The following ATAD2B variants were observed in gnomAD, a reference collection of about 807,000 sequenced individuals.
ATAD2B encodes ATPase family AAA domain-containing protein 2B.
A neutral mutation model predicts 167.6 loss-of-function variants in ATAD2B; 40 were observed. That is an observed-to-expected ratio of 0.24 (90% confidence interval 0.19 to 0.31). The LOEUF (loss-of-function observed/expected upper bound fraction) is 0.31, where lower values mean the gene tolerates loss of function less well. ATAD2B is among the 10% of genes least tolerant of loss of function. The pLI, the probability that ATAD2B is intolerant of heterozygous loss-of-function variation, is 1.00. For missense variants in ATAD2B, 1,242 were observed against 1,757.2 expected, an observed-to-expected ratio of 0.71 and a Z score of 5.24; for synonymous variants, 579 against 596.5, an observed-to-expected ratio of 0.97 and a Z score of 0.43.
At chr2:23,825,868 C>T (rs1049741556) in intron 15 of ATAD2B, among the ~76,000 whole-genome samples, 3 of 152,146 alleles carry the variant, frequency 2.0e-5, no homozygotes, top group African/African-American at 7.2e-5. Flanking sequence ...ATGTTTGCCA[C>T]AACATGTTAA....
At chr2:23,778,687 T>G (rs934293608) in intron 22 of ATAD2B, among the ~76,000 whole-genome samples, 1 of 152,232 alleles carries the variant, frequency 6.6e-6, no homozygotes, top group African/African-American at 2.4e-5. Context: ...GGCAATTTCA[T>G]AAGGTTCAAC....
chr2:23,723,315 C>T, the ATAD2B span, among the ~76,000 whole-genome samples: 1 of 127,030 alleles, frequency 7.9e-6, no homozygotes, highest in South Asian at 2.6e-4. Flanking sequence ...ACAGCAACAA[C>T]AAACAAGAGA....
At chr2:23,810,157 C>T (rs1685326850) in intron 18 of ATAD2B, among the ~76,000 whole-genome samples, 159 bp downstream of exon 18, 1 of 152,078 alleles carries the variant, frequency 6.6e-6, no homozygotes, top group Non-Finnish European at 1.5e-5. Flanking sequence ...TCAAAAGGAT[C>T]CTTTACACTA....
chr2:23,848,550 T>C (rs1356733795), intron 13 of ATAD2B, among the ~76,000 whole-genome samples: 7 of 152,128 alleles, frequency 4.6e-5, no homozygotes, highest in Non-Finnish European at 1.0e-4. Flanking sequence ...TATTTCAAGG[T>C]TCCCATATTA....
At chr2:23,694,823 T>A in the ATAD2B span, among the ~76,000 whole-genome samples, 1 of 152,160 alleles carries the variant, frequency 6.6e-6, no homozygotes, top group African/African-American at 2.4e-5. Flanking sequence ...CAAAACCTCT[T>A]ACTCCTGCAC....
chr2:23,863,571 A>C lies in ATAD2B; in HGVS notation c.1305-16T>G. ...CAAACAGCCCCTAGAAGAATAAAAA[A>C]ATCAAGAAGTGTAAATTATATTATC... On this transcript the variant is annotated splice_polypyrimidine_tract_variant and intron_variant, in intron 11 of 27. Coordinates refer to ENST00000238789, the MANE Select transcript of ATAD2B (RefSeq NM_017552.4). 1 of 1,535,550 alleles carries C rather than the reference A, an allele frequency of 6.5e-7. No homozygotes were observed. Among genetic ancestry groups the C allele is most frequent in the Non-Finnish European group, 8.7e-7 (1 of 1,144,382 alleles).
At chr2:23,891,736 C>A (rs962854584) in intron 2 of ATAD2B, among the ~76,000 whole-genome samples, 1 of 151,942 alleles carries the variant, frequency 6.6e-6, no homozygotes, top group Non-Finnish European at 1.5e-5. Flanking sequence ...TGATACCCCC[C>A]CGCCCCGACC....
intron 17 of ATAD2B, among the ~76,000 whole-genome samples, chr2:23,813,984 C>T (rs550309303): frequency 1.3e-5 from 2 of 152,122 alleles, no homozygotes; most frequent in South Asian, 2.1e-4. Context: ...AGGGCACGGT[C>T]GAACATGCCT....
the ATAD2B span, among the ~76,000 whole-genome samples, chr2:23,724,903 C>G: frequency 6.6e-6 from 1 of 151,860 alleles, no homozygotes; most frequent in African/African-American, 2.4e-5. Context: ...ATTAGCCAGG[C>G]GTGGTGGCAG....
chr2:23,832,846 T>C (rs760643723), intron 14 of ATAD2B, among the ~76,000 whole-genome samples: 6 of 152,214 alleles, frequency 3.9e-5, no homozygotes, highest in Non-Finnish European at 8.8e-5. Context: ...ATAAAAGCTG[T>C]GCTTGGACTG....
chr2:23,912,897 G>A (rs537582485), intron 1 of ATAD2B, among the ~76,000 whole-genome samples: 50 of 152,160 alleles, frequency 3.3e-4, no homozygotes, highest in Non-Finnish European at 5.7e-4. Flanking sequence ...TCGGGAGGCC[G>A]AGACAGGAGA....
intron 7 of ATAD2B, 111 bp downstream of exon 7, chr2:23,880,528 A>C (rs1246509549): frequency 1.6e-6 from 1 of 640,948 alleles, no homozygotes; most frequent in Non-Finnish European, 2.7e-6. Flanking sequence ...GCACCACTGC[A>C]CTCCAGCCTG....
At chr2:23,753,790 G>A (rs1347963540) in intron 27 of ATAD2B, among the ~76,000 whole-genome samples, 2 of 152,080 alleles carry the variant, frequency 1.3e-5, no homozygotes, top group East Asian at 1.9e-4. Context: ...ATCAGCAGTG[G>A]CTACCTAGGA....
In ATAD2B at chr2:23,880,722, T is replaced by C. The variant is rs764561771; in HGVS notation, c.818A>G (p.Glu273Gly). The change falls in exon 7 of 28, where the codon GAA (glutamate) becomes GGA (glycine). Residue 273 changes from glutamate (E) to glycine (G), a missense_variant. This residue lies in a region of ATAD2B where 99 missense variants were observed against 160.4 expected (regional missense o/e 0.62). Transcript: ENST00000238789. Reference sequence around the variant, plus strand: ...ATCATTTTCTTCTCCTTCTGCCTCTTCAACTTCTATATCTCCATCCTCCTC... The same window carrying C: ...ATCATTTTCTTCTCCTTCTGCCTCTCCAACTTCTATATCTCCATCCTCCTC... ...SQEEDGDIEV[E>G]EAEGEENDRP... 2 of 1,608,826 alleles carry C rather than the reference T, an allele frequency of 1.2e-6. No homozygotes were observed. The highest frequency in any genetic ancestry group is 1.7e-6 in the Non-Finnish European group (2 of 1,176,658).
the ATAD2B span, among the ~76,000 whole-genome samples, chr2:23,715,901 T>C: frequency 2.0e-5 from 3 of 152,204 alleles, no homozygotes; most frequent in African/African-American, 7.2e-5. Flanking sequence ...GATGTTTCCA[T>C]TAAATATGTG....
chr2:23,704,699 G>A, the ATAD2B span, among the ~76,000 whole-genome samples: 3 of 152,156 alleles, frequency 2.0e-5, no homozygotes, highest in Admixed American at 1.3e-4. Flanking sequence ...CCCGGGAGGC[G>A]GAGGTTGCAG....
At chr2:23,747,354 A>ATT (rs1674949808), downstream of ATAD2B, among the ~76,000 whole-genome samples, 2 of 151,438 alleles carry the variant, frequency 1.3e-5, no homozygotes, top group South Asian at 4.2e-4. Flanking sequence ...TAGTATGTAT[A>ATT]TTATATATAT....
At chr2:23,908,267 C>G (rs1235661177) in intron 1 of ATAD2B, among the ~76,000 whole-genome samples, 1 of 152,100 alleles carries the variant, frequency 6.6e-6, no homozygotes, top group Non-Finnish European at 1.5e-5. Context: ...TATCCAGAAT[C>G]TACAATGAAC....
At chr2:23,753,658 G>A (rs1407971991) in intron 27 of ATAD2B, among the ~76,000 whole-genome samples, 2 of 152,142 alleles carry the variant, frequency 1.3e-5, no homozygotes, top group Non-Finnish European at 2.9e-5. Flanking sequence ...TCAGCAAAAG[G>A]ACAGTCGCTC....
Sources: gnomAD v4.1 joint callset for allele counts (sites outside exome capture counted in the v4.1 genomes callset) on GRCh38, gnomAD v4.1.1 for gene constraint, gnomAD v4.1.1 regional missense constraint, MANE v1.5 for transcripts, NCBI Gene and HGNC (gene_info 2026-07-23, HGNC 2026-07-21) for gene names.